The following DSCAML1 variants were observed in gnomAD, a reference collection of about 807,000 sequenced individuals.
DSCAML1 encodes DS cell adhesion molecule like 1, also known as cell adhesion molecule DSCAML1.
A neutral mutation model predicts 200.5 loss-of-function variants in DSCAML1; 38 were observed. That is an observed-to-expected ratio of 0.19 (90% CI 0.15 to 0.25). The LOEUF (loss-of-function observed/expected upper bound fraction) is 0.25, where lower values mean the gene tolerates loss of function less well. DSCAML1 is among the 10% of genes least tolerant of loss of function. The pLI is 1.00. For missense variants in DSCAML1, 2,223 were observed against 2,858.8 expected (o/e 0.78, Z 5.07); for synonymous variants, 1,215 against 1,165.0 (o/e 1.04, Z -0.87).
chr11:117,443,990 G>C lies in DSCAML1; in HGVS notation c.3758C>G (p.Ala1253Gly), dbSNP rs760609052. ...ATACTGCTGACCGCGGTTTAGGTGGGCGATCCGGTAGAAGAGCTGCTCTGG... is the reference window on the plus strand; with the variant it reads ...ATACTGCTGACCGCGGTTTAGGTGGCCGATCCGGTAGAAGAGCTGCTCTGG... Reference protein sequence around the residue: ...TSPEQLFYRIAHLNRGQQYLL... With the variant: ...TSPEQLFYRIGHLNRGQQYLL... The change falls in exon 21 of 33, where the codon GCC (alanine) becomes GGC (glycine). Residue 1253 changes from alanine (A) to glycine (G), a missense_variant. Ala to Gly is a moderately conservative substitution (Grantham distance 60). Coordinates refer to ENST00000651296, the MANE Select transcript of DSCAML1 (RefSeq NM_020693.4). The C allele has an allele frequency of 2.5e-6, 4 of 1,613,956 alleles. No individual in the cohort carries two copies. The highest frequency in any genetic ancestry group is 3.4e-6 in the Non-Finnish European group (4 of 1,179,970).
intron 3 of DSCAML1, among the ~76,000 whole-genome samples, chr11:117,553,009 T>C (rs965910450): frequency 1.3e-5 from 2 of 152,178 alleles, no homozygotes; most frequent in Non-Finnish European, 2.9e-5. Flanking sequence ...ACAAATGTTT[T>C]TGGGTTGGCA....
At chr11:117,465,643 T>G (rs1308898945) in intron 16 of DSCAML1, among the ~76,000 whole-genome samples, 3 of 152,218 alleles carry the variant, frequency 2.0e-5, no homozygotes, top group Non-Finnish European at 4.4e-5. Flanking sequence ...TTTGCCTGTC[T>G]GCCTGCATTA....
chr11:117,689,149 C>T (rs762350114), intron 3 of DSCAML1, among the ~76,000 whole-genome samples: 61 of 152,110 alleles, frequency 4.0e-4, no homozygotes, highest in Non-Finnish European at 1.2e-4. Context: ...ATGAGGAAAC[C>T]GAGACTCACA....
intron 3 of DSCAML1, among the ~76,000 whole-genome samples, chr11:117,740,631 C>A (rs933866696): frequency 6.6e-6 from 1 of 152,172 alleles, no homozygotes; most frequent in Admixed American, 6.5e-5. Context: ...CCCCACTGCC[C>A]AGGTATCATG....
chr11:117,509,633 G>A (rs1410658451), intron 8 of DSCAML1, among the ~76,000 whole-genome samples: 1 of 152,202 alleles, frequency 6.6e-6, no homozygotes, highest in Non-Finnish European at 1.5e-5. Context: ...CAGCTCATTC[G>A]GTACTAGGAG....
At chr11:117,629,344 C>A (rs1436351035) in intron 3 of DSCAML1, among the ~76,000 whole-genome samples, 1 of 152,104 alleles carries the variant, frequency 6.6e-6, no homozygotes, top group African/African-American at 2.4e-5. Context: ...CTCCCGGGGA[C>A]AGGAAAGCTC....
At chr11:117,747,984 C>T (rs2054544840) in intron 3 of DSCAML1, among the ~76,000 whole-genome samples, 1 of 152,128 alleles carries the variant, frequency 6.6e-6, no homozygotes, top group African/African-American at 2.4e-5. Flanking sequence ...CCCAACACAA[C>T]AGGTTTCCCT....
intron 3 of DSCAML1, among the ~76,000 whole-genome samples, chr11:117,678,759 G>A (rs1004213207): frequency 1.3e-5 from 2 of 152,280 alleles, no homozygotes; most frequent in African/African-American, 4.8e-5. Context: ...CCAGAAGGCG[G>A]ATGGGGAGAA....
At position 117,757,573 on chromosome 11, in the gene DSCAML1, TACACACACACACACACAC is replaced by T. The variant is rs5795104; in HGVS notation, c.511+19200_511+19217del. Among the ~76,000 whole-genome samples, 210 of 146,908 alleles carry T rather than the reference TACACACACACACACACAC, an allele frequency of 1.4e-3. 2 individuals carry two copies. The highest frequency in any genetic ancestry group is 4.0e-3 in the African/African-American group (161 of 39,938). On this transcript the variant is annotated intron_variant, in intron 3 of 32. Transcript: ENST00000651296. ...GCATTTTTAACCAATTAGGAGCCTA[TACACACACACACACACAC>T]ACACACACACACACACACACACACA...
intron 3 of DSCAML1, among the ~76,000 whole-genome samples, chr11:117,684,577 G>C (rs1407626827): frequency 6.7e-6 from 1 of 149,578 alleles, no homozygotes; most frequent in Non-Finnish European, 1.5e-5. Context: ...GAGAGAAGGA[G>C]ATGACGGAGT....
At chr11:117,704,977 C>T (rs148886276) in intron 3 of DSCAML1, among the ~76,000 whole-genome samples, 352 of 152,234 alleles carry the variant, frequency 2.3e-3, no homozygotes, top group African/African-American at 8.0e-3. Context: ...GGAGTGCTGT[C>T]AAGGTACGAG....
intron 31 of DSCAML1, 39 bp from the exon 32 acceptor site, chr11:117,431,072 A>AG (rs770695782): frequency 6.4e-7 from 1 of 1,569,352 alleles, no homozygotes; most frequent in South Asian, 1.2e-5. Flanking sequence ...TACGGGGAGG[A>AG]GGGTATAAGT....
intron 21 of DSCAML1, among the ~76,000 whole-genome samples, chr11:117,440,185 T>A (rs1027362792): frequency 1.3e-5 from 2 of 152,130 alleles, no homozygotes; most frequent in African/African-American, 4.8e-5. Context: ...ATGAGTATGA[T>A]TTATTCCCTG....
chr11:117,635,446 T>G (rs555477746), intron 3 of DSCAML1, among the ~76,000 whole-genome samples: 232 of 142,396 alleles, frequency 1.6e-3, no homozygotes, highest in Non-Finnish European at 1.3e-3. Flanking sequence ...CTAGTGTGTG[T>G]GGTGTGTGTG....
rs761991944 is a variant in DSCAML1, at chr11:117,428,473, G to T, written c.6017C>A (p.Pro2006His). 1 of 1,531,318 alleles carries T rather than the reference G, an allele frequency of 6.5e-7. No homozygotes were observed. Among genetic ancestry groups the T allele is most frequent in the Admixed American group, 2.1e-5 (1 of 46,890 alleles). 94.9% of individuals were successfully genotyped at this position (1,531,318 alleles called of 1,614,324 possible). Reference protein sequence around the residue: ...PTAPSAAPPAPSTEPPRAGGP... With the variant: ...PTAPSAAPPAHSTEPPRAGGP... ...CCCGGCTCGTGGAGGCTCGGTGCTG[G>T]GGGCCGGAGGGGCAGCGCTGGGGGC... The change falls in exon 33 of 33, where the codon CCC becomes CAC. Residue 2006 changes from proline to histidine, a missense_variant. Physicochemically the swap from Pro to His is moderately conservative, Grantham distance 77 (BLOSUM62 -2). Coordinates refer to ENST00000651296, the MANE Select transcript of DSCAML1 (RefSeq NM_020693.4).
At position 117,505,161 on chromosome 11, in the gene DSCAML1, G is replaced by A. The variant is rs12271208; in HGVS notation, c.2063-118C>T. 3.4e-5 allele frequency: 49 copies of A among 1,451,678 alleles called. No individual in the cohort carries two copies. Among genetic ancestry groups the A allele is most frequent in the African/African-American group, 2.4e-4 (17 of 70,610 alleles). The allele number at this position is 1,451,678 out of a possible 1,614,324, so 89.9% of individuals were successfully genotyped here. A position where few individuals can be genotyped will look rare whatever the true frequency, so the allele number is the denominator to read the frequency against. ...CCCGGGCCATTATAAAGTTGGAAGCGGGCAGTTTCTGAAACCCAAGATGCT... is the reference window on the plus strand; with the variant it reads ...CCCGGGCCATTATAAAGTTGGAAGCAGGCAGTTTCTGAAACCCAAGATGCT... On this transcript the variant is annotated intron_variant, in intron 9 of 32. Coordinates refer to ENST00000651296, the MANE Select transcript of DSCAML1 (RefSeq NM_020693.4). This position sits in a 1 kb window ranked among gnomAD's most constrained non-coding sequence, Gnocchi z 6.7.
intron 20 of DSCAML1, among the ~76,000 whole-genome samples, chr11:117,449,742 GGTATCTGCTCCTGCTCCC>G (rs1392356486): frequency 1.3e-5 from 2 of 152,334 alleles, no homozygotes; most frequent in African/African-American, 4.8e-5. Flanking sequence ...CTTGAGGGCA[GGTATCTGCTCCTGCTCCC>G]GTACCTAGAA....
intron 3 of DSCAML1, among the ~76,000 whole-genome samples, chr11:117,630,026 A>G (rs1232732274): frequency 2.0e-5 from 3 of 152,118 alleles, no homozygotes; most frequent in Non-Finnish European, 4.4e-5. Context: ...TGGGGAGAAG[A>G]TTGCCTCTTT....
intron 3 of DSCAML1, among the ~76,000 whole-genome samples, chr11:117,705,174 T>G (rs2053738354): frequency 6.6e-6 from 1 of 152,186 alleles, no homozygotes; most frequent in Non-Finnish European, 1.5e-5. Flanking sequence ...ACCTTGCTAA[T>G]TTTATTTTGC....
Sources: allele counts gnomAD v4.1 joint callset (sites outside exome capture counted in the v4.1 genomes callset), GRCh38; gene constraint gnomAD v4.1.1; non-coding constraint Gnocchi (gnomAD v3.1); transcripts MANE v1.5; gene names NCBI Gene and HGNC (gene_info 2026-07-23, HGNC 2026-07-21).